Variants in ATIC observed in about 807,000 individuals in gnomAD.
ATIC encodes the protein 5-aminoimidazole-4-carboxamide ribonucleotide formyltransferase/IMP cyclohydrolase.
A neutral mutation model predicts 72.5 loss-of-function variants in ATIC; 64 were observed. The ratio of observed to expected loss-of-function variants is 0.88; its 90% CI spans 0.72 to 1.09. ATIC has a LOEUF of 1.09. ATIC is among the 50% of genes least tolerant of loss of function. The pLI, the probability that ATIC is intolerant of heterozygous loss-of-function variation, is 0.00. For missense variants in ATIC, 787 were observed against 732.4 expected, an observed-to-expected ratio of 1.07 and a Z score of -0.86; for synonymous variants, 281 against 267.1, an observed-to-expected ratio of 1.05 and a Z score of -0.51.
At position 215,318,215 on chromosome 2, in the gene ATIC, C is replaced by G. The variant is rs2052730524; in HGVS notation, c.205C>G (p.His69Asp). The part of the protein sequence containing the change: ...EMLGGRVKTL[H>D]PAVHAGILAR... ...GTTGGGGGGACGTGTGAAAACTTTG[C>G]ATCCTGCAGTCCATGCTGGTAAGTG... The change falls in exon 3 of 16, where the codon CAT (histidine) becomes GAT (aspartate). Residue 69 changes from histidine to aspartate, a missense_variant. By Grantham distance (81) the His-to-Asp change is moderately conservative. Coordinates refer to ENST00000236959, the MANE Select transcript of ATIC (RefSeq NM_004044.7). The G allele has an allele frequency of 6.2e-7, 1 of 1,613,806 alleles. No individual in the cohort carries two copies.
At chr2:215,367,072 G>T in the ATIC span, among the ~76,000 whole-genome samples, 1 of 152,052 alleles carries the variant, frequency 6.6e-6, no homozygotes, top group African/African-American at 2.4e-5. Flanking sequence ...TAATTCCACA[G>T]GATATGATTT....
intron 5 of ATIC, 102 bp downstream of exon 5, chr2:215,325,431 T>C (rs1449283519): frequency 9.4e-6 from 8 of 849,096 alleles, no homozygotes. Context: ...AGAAAGAAAA[T>C]AGCTACTTCT....
intron 7 of ATIC, among the ~76,000 whole-genome samples, chr2:215,329,821 G>A (rs989387272): frequency 3.9e-5 from 6 of 152,090 alleles, no homozygotes; most frequent in Non-Finnish European, 1.5e-5. Context: ...GGAGTGCAGT[G>A]GCATGATCTC....
chr2:215,320,371 A>C (rs1261945907), intron 4 of ATIC, among the ~76,000 whole-genome samples: 2 of 152,132 alleles, frequency 1.3e-5, no homozygotes, highest in African/African-American at 4.8e-5. Flanking sequence ...AAGCTGGGTA[A>C]TTTATGAAAA....
intron 3 of ATIC, among the ~76,000 whole-genome samples, chr2:215,319,137 C>T (rs2052741016): frequency 2.0e-5 from 3 of 152,140 alleles, no homozygotes; most frequent in Non-Finnish European, 4.4e-5. Context: ...ACCTTAGCCT[C>T]CCAAAGTGCT....
chr2:215,326,250 G>A (rs2052824228), intron 6 of ATIC, 112 bp downstream of exon 6: 1 of 1,334,828 alleles, frequency 7.5e-7, no homozygotes, highest in African/African-American at 1.4e-5. Flanking sequence ...GCTTTGCTTG[G>A]AGCTGCTATC....
At chr2:215,324,493 G>T (rs551234409) in intron 4 of ATIC, among the ~76,000 whole-genome samples, 1 of 152,218 alleles carries the variant, frequency 6.6e-6, no homozygotes, top group South Asian at 2.1e-4. Context: ...TGTGACATTT[G>T]TCTGGTTTTA....
In ATIC at chr2:215,349,604, C is replaced by G; in HGVS notation, c.1728C>G (p.Asp576Glu). The stretch of plus-strand genomic sequence containing the variant: ...ACAAAGTTGTGATTGAGGCCTGCGA[C>G]GAACTGGGAATCATCCTCGCTCATA... ...AADKVVIEACDELGIILAHTN... is the reference protein window; with the variant it reads ...AADKVVIEACEELGIILAHTN... Residue 576 changes from aspartate to glutamate, a missense_variant, in exon 16 of 16, where the codon GAC becomes GAG. Physicochemically the swap from Asp to Glu is conservative, Grantham distance 45. Transcript: ENST00000236959. The G allele has an allele frequency of 6.2e-7, 1 of 1,614,200 alleles. No homozygotes were observed. The highest frequency in any genetic ancestry group is 8.5e-7 in the Non-Finnish European group (1 of 1,180,044).
At chr2:215,327,112 C>A in intron 7 of ATIC, 134 bp downstream of exon 7, 1 of 1,423,930 alleles carries the variant, frequency 7.0e-7, no homozygotes, top group Non-Finnish European at 9.8e-7. Flanking sequence ...TGATAACCAT[C>A]TGGTTTGAGA....
chr2:215,349,575 G>A lies in ATIC; in HGVS notation c.1699G>A (p.Ala567Thr), dbSNP rs1166507592. The A allele has an allele frequency of 6.2e-6, 10 of 1,614,036 alleles. No individual in the cohort carries two copies. The highest frequency in any genetic ancestry group is 8.5e-6 in the Non-Finnish European group (10 of 1,180,040). Residue 567 changes from alanine to threonine, a missense_variant, in exon 16 of 16, where the codon GCT (alanine) becomes ACT (threonine). Ala to Thr is a moderately conservative substitution (Grantham distance 58). Transcript: ENST00000236959. ...AYIAAPSGSAADKVVIEACDE... is the reference protein window; with the variant it reads ...AYIAAPSGSATDKVVIEACDE... ...CATTGCGGCTCCCTCCGGTTCTGCT[G>A]CTGACAAAGTTGTGATTGAGGCCTG...
intron 4 of ATIC, among the ~76,000 whole-genome samples, chr2:215,320,855 T>C (rs2105998549): frequency 6.6e-6 from 1 of 152,262 alleles, no homozygotes; most frequent in Non-Finnish European, 1.5e-5. Context: ...GTGCTGGGAT[T>C]AGGTGTGAGC....
At chr2:215,365,756 A>AT in the ATIC span, 1 of 749,692 alleles carries the variant, frequency 1.3e-6, no homozygotes, top group South Asian at 1.7e-5. Flanking sequence ...CAAGTTAAAG[A>AT]TAAAAACCCC....
chr2:215,316,063 G>C (rs891971683), intron 2 of ATIC, among the ~76,000 whole-genome samples: 3 of 152,068 alleles, frequency 2.0e-5, no homozygotes, highest in African/African-American at 7.2e-5. Flanking sequence ...CTTGTCATGA[G>C]GTAAACTGAT....
chr2:215,368,169 T>C, the ATIC span: 1 of 921,386 alleles, frequency 1.1e-6, no homozygotes, highest in Non-Finnish European at 1.7e-6. Context: ...ATCTGTTCTA[T>C]CAAGGCATTA....
intron 14 of ATIC, chr2:215,347,474 A>C (rs2053084102): frequency 4.8e-6 from 2 of 415,902 alleles, no homozygotes. Context: ...AACGTTAGGT[A>C]GGTAGCCCGC....
intron 7 of ATIC, among the ~76,000 whole-genome samples, chr2:215,330,069 G>A (rs1004485120): frequency 2.0e-5 from 3 of 152,154 alleles, no homozygotes; most frequent in East Asian, 1.9e-4. Flanking sequence ...ATCCAGATAC[G>A]CTTAACTATG....
intron 2 of ATIC, among the ~76,000 whole-genome samples, chr2:215,316,706 T>TA (rs1399582235): frequency 2.0e-5 from 3 of 152,356 alleles, no homozygotes; most frequent in Admixed American, 2.0e-4. Flanking sequence ...TGTACTTTAT[T>TA]TCATAGCTTA....
chr2:215,356,001 G>C, the ATIC span, among the ~76,000 whole-genome samples: 1 of 152,170 alleles, frequency 6.6e-6, no homozygotes, highest in African/African-American at 2.4e-5. Context: ...ACATATTCTG[G>C]TGCTAGTCTA....
At chr2:215,361,285 T>C in the ATIC span, 5 of 407,816 alleles carry the variant, frequency 1.2e-5, no homozygotes. Flanking sequence ...AAACCAAATC[T>C]TAGAATCACT....
Sources: allele counts gnomAD v4.1 joint callset (sites outside exome capture counted in the v4.1 genomes callset), GRCh38; gene constraint gnomAD v4.1.1; transcripts MANE v1.5; gene names NCBI Gene and HGNC (gene_info 2026-07-23, HGNC 2026-07-21).